Variants in GLCCI1 observed in about 807,000 individuals in gnomAD.
The protein encoded by GLCCI1 is glucocorticoid-induced transcript 1 protein.
In GLCCI1, 24 loss-of-function variants were observed where a neutral mutation model predicts 52.2. That is an observed-to-expected ratio of 0.46 (90% CI 0.33 to 0.65). The LOEUF (loss-of-function observed/expected upper bound fraction) is 0.65. Ranked by LOEUF, GLCCI1 falls within the 30% of genes least tolerant of loss-of-function variation. GLCCI1 has a pLI of 0.02. For synonymous variants in GLCCI1, 310 were observed against 276.5 expected, an observed-to-expected ratio of 1.12 and a Z score of -1.20; for missense variants, 704 against 701.5, an observed-to-expected ratio of 1.00 and a Z score of -0.04.
chr7:7,976,968 T>A (rs1179894026), intron 1 of GLCCI1, among the ~76,000 whole-genome samples: 1 of 152,038 alleles, frequency 6.6e-6, no homozygotes, highest in Non-Finnish European at 1.5e-5. Flanking sequence ...CTAGATGTGT[T>A]TCGTAATGAA....
intron 1 of GLCCI1, chr7:7,981,594 A>G (rs1249508859): frequency 4.9e-6 from 1 of 205,022 alleles, no homozygotes; most frequent in Non-Finnish European, 9.7e-6. Context: ...AAGTGCTGGG[A>G]TTACAGATGT....
intron 1 of GLCCI1, among the ~76,000 whole-genome samples, chr7:7,978,002 G>A (rs770433092): frequency 3.3e-5 from 5 of 152,136 alleles, no homozygotes; most frequent in African/African-American, 1.2e-4. Flanking sequence ...GTCATAGAAA[G>A]GCTAAATATA....
At chr7:8,060,013 C>T (rs1782478803) in intron 4 of GLCCI1, 83 bp from the exon 5 acceptor site, 1 of 1,160,106 alleles carries the variant, frequency 8.6e-7, no homozygotes, top group African/African-American at 1.6e-5. Context: ...CATTGAGTTT[C>T]AATTTTAATA....
chr7:7,993,509 C>G (rs1438420542), intron 1 of GLCCI1, among the ~76,000 whole-genome samples: 1 of 152,144 alleles, frequency 6.6e-6, no homozygotes, highest in African/African-American at 2.4e-5. Flanking sequence ...CTCTTGCTTT[C>G]ACTTGCAAAT....
chr7:8,028,320 A>G (rs949699142), intron 3 of GLCCI1, among the ~76,000 whole-genome samples: 2 of 152,222 alleles, frequency 1.3e-5, no homozygotes, highest in African/African-American at 4.8e-5. Context: ...TTTGGAAACC[A>G]TACAAGCACA....
In GLCCI1 at chr7:8,070,689, A is replaced by G. The variant is rs374519509; in HGVS notation, c.967-232A>G. Reference sequence around the variant, plus strand: ...GGGATGTGCTGACCTACAGGTACATACAGTGAGCTATGGAATTTTTAAGGC... The same window carrying G: ...GGGATGTGCTGACCTACAGGTACATGCAGTGAGCTATGGAATTTTTAAGGC... On this transcript the variant is annotated intron_variant, in intron 5 of 7. Transcript: ENST00000223145. 50 of 471,356 alleles carry G rather than the reference A, an allele frequency of 1.1e-4. 1 individual carries two copies. Among genetic ancestry groups the G allele is most frequent in the East Asian group, 8.8e-4 (22 of 24,978 alleles). The allele number at this position is 471,356 out of a possible 1,614,324, so 29.2% of individuals were successfully genotyped here. A position where few individuals can be genotyped will look rare whatever the true frequency, so the allele number is the denominator to read the frequency against.
chr7:8,042,628 G>A (rs939783516), intron 3 of GLCCI1, among the ~76,000 whole-genome samples: 2 of 152,186 alleles, frequency 1.3e-5, no homozygotes, highest in African/African-American at 4.8e-5. Flanking sequence ...GCAAGACCCT[G>A]TCTCTTTGAA....
chr7:8,083,577 A>T (rs146666000), intron 6 of GLCCI1, among the ~76,000 whole-genome samples: 18 of 152,312 alleles, frequency 1.2e-4, no homozygotes, highest in African/African-American at 4.3e-4. Flanking sequence ...TCTGAATGGT[A>T]TATGAAGAAA....
intron 1 of GLCCI1, among the ~76,000 whole-genome samples, chr7:7,995,340 C>T (rs1583955570): frequency 1.3e-5 from 2 of 152,126 alleles, no homozygotes; most frequent in African/African-American, 4.8e-5. Flanking sequence ...AAAACCCCGT[C>T]CTCTACAAAA....
rs557687064 is a variant in GLCCI1 at position 7,969,272 on chromosome 7, G to A, written c.-79G>A. The A allele has an allele frequency of 3.7e-5, 42 of 1,139,110 alleles. No individual in the cohort carries two copies. The Admixed American group carries it at 1.1e-3, about 30-fold the overall frequency. 70.6% of individuals were successfully genotyped at this position (1,139,110 alleles called of 1,614,324 possible). A position where few individuals can be genotyped will look rare whatever the true frequency, so the allele number is the denominator to read the frequency against. The stretch of plus-strand genomic sequence containing the variant: ...CTTACACACTCGCACGCACTATCGC[G>A]CCGGCTCCCACACGCTCGCGCGCCT... On this transcript the variant is annotated 5_prime_UTR_variant, in exon 1 of 8. Transcript: ENST00000223145. This position sits in a 1 kb window ranked among gnomAD's most constrained non-coding sequence, Gnocchi z 4.9.
At chr7:8,006,270 A>G (rs1303479704) in intron 2 of GLCCI1, among the ~76,000 whole-genome samples, 1 of 152,242 alleles carries the variant, frequency 6.6e-6, no homozygotes, top group Admixed American at 6.5e-5. Flanking sequence ...AAGAGAGGTC[A>G]TGGTGATTAA....
intron 3 of GLCCI1, among the ~76,000 whole-genome samples, chr7:8,030,796 A>G (rs533283936): frequency 6.6e-6 from 1 of 152,270 alleles, no homozygotes; most frequent in African/African-American, 2.4e-5. Context: ...GCTCAGCATC[A>G]TTGATTATTA....
At chr7:8,077,674 T>TAGGTGAC (rs1554263636) in intron 6 of GLCCI1, among the ~76,000 whole-genome samples, 2 of 152,132 alleles carry the variant, frequency 1.3e-5, no homozygotes, top group Non-Finnish European at 2.9e-5. Context: ...GTCCTTTAGG[T>TAGGTGAC]AGGTGACATT....
chr7:7,992,708 G>A (rs1196055130), intron 1 of GLCCI1, among the ~76,000 whole-genome samples: 1 of 151,986 alleles, frequency 6.6e-6, no homozygotes, highest in African/African-American at 2.4e-5. Flanking sequence ...ACACACACAT[G>A]TTGGACCTTC....
At chr7:8,060,347 C>A in intron 5 of GLCCI1, 99 bp downstream of exon 5, 2 of 897,310 alleles carry the variant, frequency 2.2e-6, no homozygotes, top group Non-Finnish European at 3.4e-6. Flanking sequence ...ATATAATTCA[C>A]ATACCATCCA....
chr7:7,984,489 T>A (rs1172948697), intron 1 of GLCCI1, among the ~76,000 whole-genome samples: 1 of 152,238 alleles, frequency 6.6e-6, no homozygotes, highest in African/African-American at 2.4e-5. Flanking sequence ...AAGGAGAATG[T>A]GAATTATATA....
chr7:8,057,827 C>T (rs1782432762), intron 4 of GLCCI1, among the ~76,000 whole-genome samples: 1 of 152,080 alleles, frequency 6.6e-6, no homozygotes, highest in South Asian at 2.1e-4. Flanking sequence ...ACAAAGAATG[C>T]TTACACAATT....
intron 5 of GLCCI1, among the ~76,000 whole-genome samples, chr7:8,066,868 T>G (rs551843136): frequency 1.0e-3 from 154 of 152,216 alleles, no homozygotes; most frequent in African/African-American, 3.6e-3. Flanking sequence ...TTGTTTTGGG[T>G]TGAAGAGTTC....
In GLCCI1 at chr7:7,981,793, T is replaced by C. The variant is rs565360293; in HGVS notation, c.457+11986T>C. 3.8e-4 allele frequency: 154 copies of C among 407,412 alleles called. 1 individual carries two copies. Among genetic ancestry groups the C allele is most frequent in the African/African-American group, 2.9e-3 (140 of 47,966 alleles). The allele number at this position is 407,412 out of a possible 1,614,324, so 25.2% of individuals were successfully genotyped here. ...GTATACAAAGGAACAGGATAAACCA[T>C]CTAATTTGGTTCTGAAAGATAAAGT... On this transcript the variant is annotated intron_variant, in intron 1 of 7. Transcript: ENST00000223145.
Sources: allele counts gnomAD v4.1 joint callset (sites outside exome capture counted in the v4.1 genomes callset), GRCh38; gene constraint gnomAD v4.1.1; non-coding constraint Gnocchi (gnomAD v3.1); transcripts MANE v1.5; gene names NCBI Gene and HGNC (gene_info 2026-07-23, HGNC 2026-07-21).